The following KIF26B variants were observed in gnomAD, a reference collection of about 807,000 sequenced individuals.
The protein encoded by KIF26B is kinesin family member 26B, also known as kinesin-like protein KIF26B.
Under a neutral mutation model 151.2 loss-of-function variants are expected in KIF26B, and 63 were observed. The observed-to-expected ratio is 0.42, with a 90% CI of 0.34 to 0.51. The LOEUF (loss-of-function observed/expected upper bound fraction) is 0.51. Ranked by LOEUF, KIF26B falls within the 20% of genes least tolerant of loss-of-function variation. The pLI, the probability that KIF26B is intolerant of heterozygous loss-of-function variation, is 0.07. For synonymous variants in KIF26B, 1,357 were observed against 1,262.1 expected, an observed-to-expected ratio of 1.08 and a Z score of -1.59; for missense variants, 2,813 against 2,913.6, an observed-to-expected ratio of 0.97 and a Z score of 0.79.
At position 245,362,355 on chromosome 1, in the gene KIF26B, C is replaced by T. The variant is rs989227685; in HGVS notation, c.466-4479C>T. Among the ~76,000 whole-genome samples the T allele has an allele frequency of 7.6e-5, 11 of 144,980 alleles. 1 individual carries two copies. In the South Asian group the frequency reaches 1.3e-3, roughly 18 times the overall value. On this transcript the variant is annotated intron_variant, in intron 2 of 14. Transcript: ENST00000407071. ...CATCCTGGCCAAGATGGTGAAACCCCGTCTCTACTAAAAAAAAAAAAAAAA... is the reference window on the plus strand; with the variant it reads ...CATCCTGGCCAAGATGGTGAAACCCTGTCTCTACTAAAAAAAAAAAAAAAA...
chr1:245,280,168 A>T (rs1671013433), intron 2 of KIF26B, among the ~76,000 whole-genome samples: 1 of 151,920 alleles, frequency 6.6e-6, no homozygotes, highest in South Asian at 2.1e-4. Context: ...AGAACCCCCT[A>T]ACAGCAGTTA....
chr1:245,192,512 G>C (rs1419836072), intron 2 of KIF26B, among the ~76,000 whole-genome samples: 4 of 152,134 alleles, frequency 2.6e-5, no homozygotes, highest in Non-Finnish European at 5.9e-5. Flanking sequence ...TCTGTCTTAA[G>C]AATTTATTAT....
At chr1:245,315,766 G>A (rs1039197293) in intron 2 of KIF26B, among the ~76,000 whole-genome samples, 3 of 151,662 alleles carry the variant, frequency 2.0e-5, no homozygotes, top group African/African-American at 4.8e-5. Flanking sequence ...GGTGCACGTC[G>A]TGGTCCCAGA....
At chr1:245,379,394 C>T (rs1673349814) in intron 3 of KIF26B, among the ~76,000 whole-genome samples, 3 of 151,492 alleles carry the variant, frequency 2.0e-5, no homozygotes, top group African/African-American at 7.3e-5. Flanking sequence ...GGACAGGTCA[C>T]ATTTAAAATA....
intron 4 of KIF26B, among the ~76,000 whole-genome samples, chr1:245,440,904 A>G (rs1407966967): frequency 6.6e-6 from 1 of 152,138 alleles, no homozygotes; most frequent in African/African-American, 2.4e-5. Context: ...CCGTAGGATG[A>G]CCTCAGGTGT....
At chr1:245,248,911 A>T (rs566268549) in intron 2 of KIF26B, among the ~76,000 whole-genome samples, 1 of 152,318 alleles carries the variant, frequency 6.6e-6, no homozygotes, top group South Asian at 2.1e-4. Context: ...TGTCTTGTGT[A>T]TTGAAGGAGC....
chr1:245,165,839 G>A (rs1467365124), intron 2 of KIF26B, among the ~76,000 whole-genome samples: 1 of 152,150 alleles, frequency 6.6e-6, no homozygotes, highest in Admixed American at 6.5e-5. Context: ...GCAAGGAGGA[G>A]GTCATTGGAT....
chr1:245,191,199 C>A lies in KIF26B; in HGVS notation c.465+34516C>A, dbSNP rs187410926. ...GTAGAATGCTGGGGAGAAGTTACCTCCCAACATTGAAAAGAGTAAAATCCC... is the reference window on the plus strand; with the variant it reads ...GTAGAATGCTGGGGAGAAGTTACCTACCAACATTGAAAAGAGTAAAATCCC... On this transcript the variant is annotated intron_variant, in intron 2 of 14. Coordinates refer to ENST00000407071, the MANE Select transcript of KIF26B (RefSeq NM_018012.4). 7.3e-4 allele frequency among the ~76,000 whole-genome samples: 110 copies of A among 151,696 alleles called. No homozygotes were observed. The Middle Eastern group carries it at 0.01, about 14-fold the overall frequency.
intron 2 of KIF26B, among the ~76,000 whole-genome samples, chr1:245,191,515 A>C (rs1315914796): frequency 6.6e-6 from 1 of 152,188 alleles, no homozygotes; most frequent in African/African-American, 2.4e-5. Context: ...TATATAAAAA[A>C]ATCTAGAAGG....
Position 245,628,244 on chromosome 1 carries a change from G to T in KIF26B, c.2098+16268G>T, listed in dbSNP as rs574349981. 1.7e-4 allele frequency among the ~76,000 whole-genome samples: 25 copies of T among 150,198 alleles called. No homozygotes were observed. The East Asian group carries it at 5.0e-3, about 30-fold the overall frequency. ...CATGCCCATAACCCCAGCACTTAGGGGAGCCAAGCAGGTGGATCACTTGAG... is the reference window on the plus strand; with the variant it reads ...CATGCCCATAACCCCAGCACTTAGGTGAGCCAAGCAGGTGGATCACTTGAG... On this transcript the variant is annotated intron_variant, in intron 9 of 14. Coordinates refer to ENST00000407071, the MANE Select transcript of KIF26B (RefSeq NM_018012.4).
At position 245,317,985 on chromosome 1, in the gene KIF26B, C is replaced by T. The variant is rs454008; in HGVS notation, c.466-48849C>T. Among the ~76,000 whole-genome samples the T allele has an allele frequency of 5.9e-5, 9 of 152,310 alleles. No homozygotes were observed. The East Asian group carries it at 1.7e-3, about 29-fold the overall frequency. On this transcript the variant is annotated intron_variant, in intron 2 of 14. Coordinates refer to ENST00000407071, the MANE Select transcript of KIF26B (RefSeq NM_018012.4). ...TTTCACACTCTTAACAAGCTAATGT[C>T]TCTAACACTACAGGTTACACTTCAC...
At chr1:245,190,984 G>C (rs1573698816) in intron 2 of KIF26B, among the ~76,000 whole-genome samples, 1 of 138,124 alleles carries the variant, frequency 7.2e-6, no homozygotes, top group African/African-American at 2.7e-5. Context: ...GCTTGAACCT[G>C]GGAGGCGGAG....
chr1:245,311,230 G>A (rs1671660181), intron 2 of KIF26B, among the ~76,000 whole-genome samples: 1 of 152,166 alleles, frequency 6.6e-6, no homozygotes, highest in Non-Finnish European at 1.5e-5. Flanking sequence ...CTCAGCAAGG[G>A]TGCCTGTGAC....
At position 245,670,274 on chromosome 1, in the gene KIF26B, ATATATATG is replaced by A. The variant is rs1369695291; in HGVS notation, c.2259-13958_2259-13951del. ...TATATATATATATATATATATATAT[ATATATATG>A]CACACACACACACAATGTATATGTC... On this transcript the variant is annotated intron_variant, in intron 10 of 14. Coordinates refer to ENST00000407071, the MANE Select transcript of KIF26B (RefSeq NM_018012.4). 3.5e-4 allele frequency among the ~76,000 whole-genome samples: 47 copies of A among 133,158 alleles called. No individual in the cohort carries two copies. In the South Asian group the frequency reaches 0.011, roughly 30 times the overall value. 87.4% of individuals were successfully genotyped at this position (133,158 alleles called of 152,430 possible).
chr1:245,324,714 T>G (rs191670154), intron 2 of KIF26B, among the ~76,000 whole-genome samples: 1 of 152,210 alleles, frequency 6.6e-6, no homozygotes, highest in East Asian at 1.9e-4. Context: ...GGGCCAGGCA[T>G]GAAACACGGC....
intron 10 of KIF26B, among the ~76,000 whole-genome samples, chr1:245,655,223 A>G (rs1299710173): frequency 6.6e-6 from 1 of 152,202 alleles, no homozygotes; most frequent in African/African-American, 2.4e-5. Context: ...CAAAATCTCA[A>G]TCATTCTTAC....
intron 10 of KIF26B, among the ~76,000 whole-genome samples, chr1:245,658,856 C>G (rs1329307730): frequency 1.3e-5 from 2 of 152,098 alleles, no homozygotes; most frequent in Non-Finnish European, 2.9e-5. Flanking sequence ...AACTCAATGG[C>G]ATTAAAATGG....
intron 4 of KIF26B, among the ~76,000 whole-genome samples, chr1:245,491,627 C>A (rs983624956): frequency 2.0e-5 from 3 of 151,706 alleles, no homozygotes; most frequent in African/African-American, 7.2e-5. Flanking sequence ...AGTAAACTGG[C>A]TGGGGTGCAG....
intron 3 of KIF26B, among the ~76,000 whole-genome samples, chr1:245,378,199 G>A (rs1673322092): frequency 6.6e-6 from 1 of 152,058 alleles, no homozygotes; most frequent in Non-Finnish European, 1.5e-5. Context: ...TTTATCTTTA[G>A]TAACATTTCT....
Sources: gnomAD v4.1 joint callset for allele counts (sites outside exome capture counted in the v4.1 genomes callset) on GRCh38, gnomAD v4.1.1 for gene constraint, MANE v1.5 for transcripts, NCBI Gene and HGNC (gene_info 2026-07-23, HGNC 2026-07-21) for gene names.